BNC2: variants seen among roughly 807,000 people sequenced by gnomAD.
The protein encoded by BNC2 is basonuclin zinc finger protein 2.
In BNC2, 20 loss-of-function variants were observed where a neutral mutation model predicts 76.3. The observed-to-expected ratio is 0.26, with a 90% CI of 0.18 to 0.38. BNC2 has a LOEUF of 0.38. BNC2 is among the 10% of genes least tolerant of loss of function. The pLI is 1.00. For missense variants in BNC2, 1,382 were observed against 1,399.8 expected (o/e 0.99, Z 0.20); for synonymous variants, 582 against 514.8 (o/e 1.13, Z -1.77).
intron 3 of BNC2, among the ~76,000 whole-genome samples, chr9:16,716,136 C>G (rs1305462541): frequency 1.3e-5 from 2 of 152,188 alleles, no homozygotes; most frequent in Admixed American, 1.3e-4. Flanking sequence ...AGATTTTGTT[C>G]CTTCACATGT....
intron 1 of BNC2, among the ~76,000 whole-genome samples, chr9:16,866,255 A>C (rs1819540312): frequency 6.6e-6 from 1 of 152,178 alleles, no homozygotes; most frequent in Admixed American, 6.5e-5. Flanking sequence ...TTTTTGATCC[A>C]TAATAAGTCA....
intron 5 of BNC2, among the ~76,000 whole-genome samples, chr9:16,512,906 G>A (rs1344566429): frequency 6.6e-6 from 1 of 151,972 alleles, no homozygotes; most frequent in African/African-American, 2.4e-5. Context: ...GAGGCTGAGG[G>A]GGGAAGATCA....
intron 3 of BNC2, among the ~76,000 whole-genome samples, chr9:16,713,703 T>TA (rs1485935555): frequency 5.3e-5 from 8 of 152,102 alleles, no homozygotes; most frequent in Non-Finnish European, 8.8e-5. Context: ...CCTTTTTTTT[T>TA]ATTAAGAATT....
At chr9:16,679,740 G>A (rs1383626114) in intron 3 of BNC2, among the ~76,000 whole-genome samples, 1 of 152,174 alleles carries the variant, frequency 6.6e-6, no homozygotes, top group Non-Finnish European at 1.5e-5. Flanking sequence ...AGAGGAAAAG[G>A]CAGGAAGGCG....
intron 3 of BNC2, among the ~76,000 whole-genome samples, chr9:16,682,587 T>C (rs1372213091): frequency 1.3e-5 from 2 of 152,136 alleles, no homozygotes; most frequent in African/African-American, 4.8e-5. Context: ...CATTTAACTT[T>C]TATGGAAATT....
At chr9:16,521,446 G>C (rs1051713687) in intron 5 of BNC2, among the ~76,000 whole-genome samples, 7 of 152,194 alleles carry the variant, frequency 4.6e-5, no homozygotes, top group Admixed American at 2.0e-4. Flanking sequence ...TAACGTGTTA[G>C]CATGGCAGTA....
Position 16,656,378 on chromosome 9 carries a change from A to T in BNC2, c.330+71419T>A, listed in dbSNP as rs900893502. Among the ~76,000 whole-genome samples the T allele has an allele frequency of 2.6e-5, 4 of 152,138 alleles. 1 individual carries two copies. In the South Asian group the frequency reaches 8.3e-4, roughly 31 times the overall value. ...TCTGTCTCATTCGATGCACCAGGAG[A>T]ACTGATGGTAGGATTCGGGGGTGGG... On this transcript the variant is annotated intron_variant, in intron 3 of 6. Coordinates refer to ENST00000380672, the MANE Select transcript of BNC2 (RefSeq NM_017637.6).
chr9:16,478,158 G>A (rs931126334), intron 5 of BNC2, among the ~76,000 whole-genome samples: 5 of 151,924 alleles, frequency 3.3e-5, no homozygotes, highest in African/African-American at 9.7e-5. Flanking sequence ...TATAAATTTC[G>A]GTCCTCTGAG....
chr9:16,435,114 T>C (rs1035163308), intron 6 of BNC2: 1 of 471,236 alleles, frequency 2.1e-6, no homozygotes, highest in Admixed American at 2.3e-5. Context: ...ATTGGATAAA[T>C]ATGTGTGTAT....
chr9:16,863,334 C>T (rs557581853), intron 1 of BNC2, among the ~76,000 whole-genome samples: 2 of 152,284 alleles, frequency 1.3e-5, no homozygotes, highest in South Asian at 2.1e-4. Context: ...AAAAATAACT[C>T]TCTCTCCCTA....
chr9:16,779,045 A>G, intron 1 of BNC2, among the ~76,000 whole-genome samples: 1 of 149,298 alleles, frequency 6.7e-6, no homozygotes, highest in Admixed American at 6.8e-5. Flanking sequence ...TTGGGAGGCC[A>G]AGGATGGTTG....
Position 16,446,749 on chromosome 9 carries a change from G to C in BNC2, c.670-9225C>G, listed in dbSNP as rs375971688. Among the ~76,000 whole-genome samples the C allele has an allele frequency of 5.9e-5, 9 of 151,822 alleles. No individual in the cohort carries two copies. The East Asian group carries it at 9.7e-4, about 16-fold the overall frequency. On this transcript the variant is annotated intron_variant, in intron 5 of 6. Transcript: ENST00000380672. ...ACTATGCCTTTTTTCTTCAGTAACA[G>C]TCTATACAGCGTTTTTATTTTAAAA...
chr9:16,698,965 T>C (rs973088229), intron 3 of BNC2, among the ~76,000 whole-genome samples: 5 of 152,236 alleles, frequency 3.3e-5, no homozygotes, highest in African/African-American at 1.2e-4. Context: ...GTACAGAAGT[T>C]GTATTTAAAA....
intron 3 of BNC2, among the ~76,000 whole-genome samples, chr9:16,673,515 T>C (rs901808909): frequency 1.3e-5 from 2 of 151,906 alleles, no homozygotes; most frequent in Non-Finnish European, 2.9e-5. Context: ...CCAGTTCTTA[T>C]GGTCTTCTAT....
rs182798300 is a variant in BNC2 at position 16,555,445 on chromosome 9, C to T, written c.434-2680G>A. Among the ~76,000 whole-genome samples, 218 of 152,258 alleles carry T rather than the reference C, an allele frequency of 1.4e-3. 1 individual carries two copies. The highest frequency in any genetic ancestry group is 6.0e-4 in the Non-Finnish European group (41 of 68,028). ...GATATGCTTTCGAGAACACCTGAGA[C>T]TGAGGATATTATAAGGACACTAGTT... On this transcript the variant is annotated intron_variant, in intron 4 of 6. Transcript: ENST00000380672.
chr9:16,842,950 C>G (rs1054863097), intron 1 of BNC2, among the ~76,000 whole-genome samples: 4 of 152,030 alleles, frequency 2.6e-5, no homozygotes, highest in African/African-American at 9.7e-5. Context: ...CGCAGTTTCG[C>G]CATGTTGGCC....
intron 1 of BNC2, among the ~76,000 whole-genome samples, chr9:16,839,132 G>C (rs1818771152): frequency 6.6e-6 from 1 of 152,096 alleles, no homozygotes; most frequent in South Asian, 2.1e-4. Flanking sequence ...AACAATTCTG[G>C]ATAATTTTCT....
chr9:16,817,252 C>T (rs1234055370), intron 1 of BNC2, among the ~76,000 whole-genome samples: 1 of 152,120 alleles, frequency 6.6e-6, no homozygotes, highest in Non-Finnish European at 1.5e-5. Context: ...GATCTAGAAA[C>T]ACTGCTGCCT....
In BNC2 at chr9:16,582,892, G is replaced by GACACACACACACAC. The variant is rs149223772; in HGVS notation, c.433+77_433+90dup. On this transcript the variant is annotated intron_variant, in intron 4 of 6. Coordinates refer to ENST00000380672, the MANE Select transcript of BNC2 (RefSeq NM_017637.6). ...TCCAGGCCAGTGACTCCTCTAAACA[G>GACACACACACACAC]ACACACACACACACACACACACACA... The GACACACACACACAC allele has an allele frequency of 2.1e-4, 130 of 627,050 alleles. 1 individual carries two copies. Among genetic ancestry groups the GACACACACACACAC allele is most frequent in the Middle Eastern group, 1.6e-3 (5 of 3,100 alleles). The allele number at this position is 627,050 out of a possible 1,614,324, so 38.8% of individuals were successfully genotyped here. A position where few individuals can be genotyped will look rare whatever the true frequency, so the allele number is the denominator to read the frequency against.
Sources: gnomAD v4.1 joint callset for allele counts (sites outside exome capture counted in the v4.1 genomes callset) on GRCh38, gnomAD v4.1.1 for gene constraint, MANE v1.5 for transcripts, NCBI Gene and HGNC (gene_info 2026-07-23, HGNC 2026-07-21) for gene names.